Variants in UBR1 observed in about 807,000 individuals in gnomAD.
The protein encoded by UBR1 is E3 ubiquitin-protein ligase UBR1.
Under a neutral mutation model 242.1 loss-of-function variants are expected in UBR1, and 102 were observed. That is an observed-to-expected ratio of 0.42 (90% CI 0.36 to 0.50). The LOEUF (loss-of-function observed/expected upper bound fraction) is 0.50. Among genes scored for constraint, UBR1 ranks in the 20% least tolerant of loss-of-function variants. The probability of loss-of-function intolerance (pLI) is 0.01; values close to 1 mark genes in which losing one functional copy is unlikely to be tolerated. For synonymous variants in UBR1, 675 were observed against 684.8 expected, an observed-to-expected ratio of 0.99 and a Z score of 0.22; for missense variants, 1,772 against 2,101.8, an observed-to-expected ratio of 0.84 and a Z score of 3.07.
At chr15:42,971,064 G>T (rs1314151268) in intron 39 of UBR1, among the ~76,000 whole-genome samples, 1 of 152,140 alleles carries the variant, frequency 6.6e-6, no homozygotes, top group Non-Finnish European at 1.5e-5. Flanking sequence ...AAGTTGTTAG[G>T]TAAACTTTAT....
chr15:43,051,887 C>T (rs539791810), intron 12 of UBR1, among the ~76,000 whole-genome samples: 35 of 152,252 alleles, frequency 2.3e-4, no homozygotes, highest in Non-Finnish European at 4.0e-4. Context: ...GTGTGCTATA[C>T]TTTCTGGAAA....
intron 1 of UBR1, among the ~76,000 whole-genome samples, chr15:43,092,786 T>C (rs536025735): frequency 6.6e-6 from 1 of 152,310 alleles, no homozygotes; most frequent in East Asian, 1.9e-4. Flanking sequence ...TCTCTTGACC[T>C]TGTGATCCGC....
chr15:43,059,862 T>C (rs1341889891), intron 7 of UBR1, 37 bp from the exon 8 acceptor site: 1 of 1,612,392 alleles, frequency 6.2e-7, no homozygotes, highest in Non-Finnish European at 8.5e-7. Flanking sequence ...AAATAGCATT[T>C]AAAATTTGCT....
intron 14 of UBR1, among the ~76,000 whole-genome samples, chr15:43,044,144 T>C (rs2033454501): frequency 6.6e-6 from 1 of 152,184 alleles, no homozygotes; most frequent in South Asian, 2.1e-4. Context: ...TGAAAGAATT[T>C]ACGGATGAAA....
At chr15:43,034,262 A>AAAT (rs1271868170) in intron 19 of UBR1, among the ~76,000 whole-genome samples, 4 of 91,524 alleles carry the variant, frequency 4.4e-5, no homozygotes, top group Admixed American at 1.3e-4. Context: ...ATAAATAAAT[A>AAAT]AATAAATAAA....
At chr15:43,090,429 T>G in intron 1 of UBR1, among the ~76,000 whole-genome samples, 1 of 152,230 alleles carries the variant, frequency 6.6e-6, no homozygotes, top group Admixed American at 6.5e-5. Flanking sequence ...ATTTTAAAAT[T>G]AAAATTTATT....
intron 39 of UBR1, among the ~76,000 whole-genome samples, chr15:42,974,422 G>A (rs894756562): frequency 1.3e-5 from 2 of 152,046 alleles, no homozygotes; most frequent in African/African-American, 4.8e-5. Flanking sequence ...ATATTTCATT[G>A]ATCTATTTGT....
At chr15:43,024,113 G>C (rs547172319) in intron 25 of UBR1, among the ~76,000 whole-genome samples, 1 of 152,258 alleles carries the variant, frequency 6.6e-6, no homozygotes, top group South Asian at 2.1e-4. Flanking sequence ...TGGGACTCAG[G>C]GAGAGAAATT....
intron 12 of UBR1, among the ~76,000 whole-genome samples, chr15:43,052,746 C>A (rs563171473): frequency 6.7e-6 from 1 of 149,772 alleles, no homozygotes; most frequent in Non-Finnish European, 1.5e-5. Context: ...ACTGAGAAAG[C>A]AATTAACACG....
At chr15:42,961,616 A>C (rs2032021577) in intron 42 of UBR1, among the ~76,000 whole-genome samples, 1 of 150,954 alleles carries the variant, frequency 6.6e-6, no homozygotes, top group Non-Finnish European at 1.5e-5. Flanking sequence ...TTTTTAGTAG[A>C]GATGGGGTTT....
intron 36 of UBR1, among the ~76,000 whole-genome samples, chr15:42,984,233 T>G (rs182809813): frequency 6.6e-6 from 1 of 152,258 alleles, no homozygotes. Context: ...ATAATTATTT[T>G]AATTTTCACA....
intron 41 of UBR1, among the ~76,000 whole-genome samples, chr15:42,965,711 C>T (rs1260751820): frequency 2.6e-5 from 4 of 152,166 alleles, no homozygotes; most frequent in African/African-American, 7.2e-5. Context: ...AAGTGATCCA[C>T]CCGCCTCGGC....
rs2032321283 is a variant in UBR1, at chr15:42,978,318, C to T, written c.4151-371G>A. Among the ~76,000 whole-genome samples, 3 of 152,146 alleles carry T rather than the reference C, an allele frequency of 2.0e-5. No homozygotes were observed. In the South Asian group the frequency reaches 6.2e-4, roughly 31 times the overall value. The stretch of plus-strand genomic sequence containing the variant: ...TTCCATTTCTAAACGTTCTGTGATA[C>T]ATAATATGTGAACAAAATTGGGGTT... On this transcript the variant is annotated intron_variant, in intron 37 of 46. Transcript: ENST00000290650.
chr15:42,966,123 T>C (rs778389931), intron 41 of UBR1, 30 bp downstream of exon 41: 8 of 1,613,932 alleles, frequency 5.0e-6, no homozygotes, highest in Middle Eastern at 1.6e-4. Flanking sequence ...TCTCCCATTT[T>C]CCACTCCATG....
intron 3 of UBR1, among the ~76,000 whole-genome samples, chr15:43,080,554 T>C (rs1567146668): frequency 6.6e-6 from 1 of 152,230 alleles, no homozygotes; most frequent in Non-Finnish European, 1.5e-5. Context: ...TTCTTTATAG[T>C]ACTAAGCAAT....
chr15:43,059,893 T>C, intron 7 of UBR1, 68 bp from the exon 8 acceptor site: 2 of 1,592,992 alleles, frequency 1.3e-6, no homozygotes, highest in Non-Finnish European at 1.7e-6. Context: ...GGATTTATAC[T>C]TCAAATGAAG....
chr15:43,090,904 A>G (rs1420343630), intron 1 of UBR1, among the ~76,000 whole-genome samples: 1 of 152,184 alleles, frequency 6.6e-6, no homozygotes, highest in Non-Finnish European at 1.5e-5. Context: ...CTACTAAACC[A>G]AACATAAATA....
chr15:43,020,097 T>C (rs993763121), intron 27 of UBR1, among the ~76,000 whole-genome samples: 7 of 152,208 alleles, frequency 4.6e-5, no homozygotes, highest in Admixed American at 2.6e-4. Flanking sequence ...TGGAGTGCAG[T>C]GGTGCGATCT....
chr15:42,980,701 T>C (rs1453381039), intron 37 of UBR1, among the ~76,000 whole-genome samples: 1 of 151,986 alleles, frequency 6.6e-6, no homozygotes, highest in Non-Finnish European at 1.5e-5. Flanking sequence ...CACGACCTCC[T>C]GGGTGCAAGT....
Sources: gnomAD v4.1 joint callset for allele counts (sites outside exome capture counted in the v4.1 genomes callset) on GRCh38, gnomAD v4.1.1 for gene constraint, MANE v1.5 for transcripts, NCBI Gene and HGNC (gene_info 2026-07-23, HGNC 2026-07-21) for gene names.